GSG1L: variants seen among roughly 807,000 people sequenced by gnomAD.
GSG1L encodes the protein germ cell-specific gene 1-like protein.
Under a neutral mutation model 42.1 loss-of-function variants are expected in GSG1L, and 24 were observed. That is an observed-to-expected ratio of 0.57 (90% CI 0.41 to 0.80). The LOEUF is 0.80. GSG1L is among the 30% of genes least tolerant of loss of function. GSG1L has a pLI of 0.00. For synonymous variants in GSG1L, 215 were observed against 203.5 expected (o/e 1.06, Z -0.48); for missense variants, 445 against 472.2 (o/e 0.94, Z 0.53).
At chr16:27,845,148 CCTGT>C in intron 3 of GSG1L, 87 bp from the exon 4 acceptor site, 1 of 818,830 alleles carries the variant, frequency 1.2e-6, no homozygotes, top group Non-Finnish European at 2.0e-6. Flanking sequence ...TGCCTGCCTG[CCTGT>C]CTGCCTGTGA....
intron 3 of GSG1L, among the ~76,000 whole-genome samples, chr16:27,865,546 T>G (rs1409551520): frequency 5.2e-5 from 1 of 19,224 alleles, no homozygotes; most frequent in Non-Finnish European, 8.6e-5. Flanking sequence ...TATATATATA[T>G]ATATATATAT....
intron 2 of GSG1L, among the ~76,000 whole-genome samples, chr16:27,926,767 G>C (rs1438757647): frequency 6.6e-6 from 1 of 152,146 alleles, no homozygotes; most frequent in African/African-American, 2.4e-5. Flanking sequence ...AGTGACATAT[G>C]GGGTGAGCGC....
At chr16:28,047,897 G>T (rs2086180313) in intron 1 of GSG1L, among the ~76,000 whole-genome samples, 1 of 152,032 alleles carries the variant, frequency 6.6e-6, no homozygotes, top group Admixed American at 6.6e-5. Flanking sequence ...CCAGCTTTTG[G>T]CAGATAAAGG....
At chr16:28,004,893 G>A (rs910716141) in intron 1 of GSG1L, among the ~76,000 whole-genome samples, 3 of 152,158 alleles carry the variant, frequency 2.0e-5, no homozygotes, top group African/African-American at 7.2e-5. Flanking sequence ...AACAGCCAGA[G>A]AGCCAAAGAC....
At chr16:27,846,275 C>T (rs1056631983) in intron 3 of GSG1L, among the ~76,000 whole-genome samples, 4 of 152,182 alleles carry the variant, frequency 2.6e-5, no homozygotes, top group Non-Finnish European at 5.9e-5. Context: ...TTTATTACTG[C>T]CCAATGCTGA....
intron 1 of GSG1L, among the ~76,000 whole-genome samples, chr16:28,062,590 C>T (rs971387204): frequency 5.9e-5 from 9 of 152,190 alleles, no homozygotes; most frequent in African/African-American, 2.2e-4. Flanking sequence ...TGGAAGGCTC[C>T]CGGGTCTGTG....
chr16:27,955,263 T>TA (rs981801463), intron 2 of GSG1L, among the ~76,000 whole-genome samples: 3 of 151,490 alleles, frequency 2.0e-5, no homozygotes, highest in Non-Finnish European at 2.9e-5. Context: ...AGGAGACTAT[T>TA]AAAAAAAAGA....
In GSG1L at chr16:27,981,521, G is replaced by A. The variant is rs139317027; in HGVS notation, c.350-18318C>T. On this transcript the variant is annotated intron_variant, in intron 1 of 6. Coordinates refer to ENST00000447459, the MANE Select transcript of GSG1L (RefSeq NM_001109763.2). ...TGGCAAGCACTTCCTTGGATTCTCCGGAGGCCTCTGCCAGTTCAACTGACG... is the reference window on the plus strand; with the variant it reads ...TGGCAAGCACTTCCTTGGATTCTCCAGAGGCCTCTGCCAGTTCAACTGACG... Among the ~76,000 whole-genome samples the A allele has an allele frequency of 6.9e-3, 1,047 of 152,242 alleles. 6 individuals carry two copies. The highest frequency in any genetic ancestry group is 0.017 in the Middle Eastern group (5 of 294).
At chr16:28,008,006 C>T (rs932016957) in intron 1 of GSG1L, among the ~76,000 whole-genome samples, 10 of 152,148 alleles carry the variant, frequency 6.6e-5, no homozygotes, top group South Asian at 2.1e-4. Flanking sequence ...TTTTACGAGC[C>T]GTTGTTCTTC....
intron 2 of GSG1L, among the ~76,000 whole-genome samples, chr16:27,899,148 C>T (rs533343979): frequency 3.7e-4 from 57 of 152,346 alleles, no homozygotes; most frequent in Admixed American, 1.1e-3. Context: ...TGCTGATTCC[C>T]GTCACCTGCT....
chr16:27,946,037 A>G (rs769446112), intron 2 of GSG1L, among the ~76,000 whole-genome samples: 2 of 152,228 alleles, frequency 1.3e-5, no homozygotes, highest in African/African-American at 2.4e-5. Context: ...AAGCAGACCA[A>G]AGAAATTCCT....
At chr16:27,927,606 T>C (rs546168045) in intron 2 of GSG1L, among the ~76,000 whole-genome samples, 14 of 152,172 alleles carry the variant, frequency 9.2e-5, no homozygotes, top group African/African-American at 3.1e-4. Context: ...TACATGCCAA[T>C]CCCTGATTAG....
chr16:27,952,274 A>G (rs973951441), intron 2 of GSG1L, among the ~76,000 whole-genome samples: 2 of 152,248 alleles, frequency 1.3e-5, no homozygotes, highest in African/African-American at 4.8e-5. Context: ...GACAAGATGC[A>G]GTGCTTGTGT....
chr16:28,042,242 C>T (rs939130012), intron 1 of GSG1L, among the ~76,000 whole-genome samples: 1 of 152,020 alleles, frequency 6.6e-6, no homozygotes, highest in Non-Finnish European at 1.5e-5. Flanking sequence ...TCAAGACCAC[C>T]CTAGCCAACA....
rs1222726679 is a variant in GSG1L at position 27,876,082 on chromosome 16, TTAA to T, written c.550+8401_550+8403del. ...TTGTCACTTACAAATAAAAGGATCT[TTAA>T]TAATATGTAAATATTCATCTTTCTG... On this transcript the variant is annotated intron_variant, in intron 3 of 6. Transcript: ENST00000447459. Among the ~76,000 whole-genome samples the T allele has an allele frequency of 4.6e-5, 7 of 152,304 alleles. No homozygotes were observed. The East Asian group carries it at 1.3e-3, about 29-fold the overall frequency.
chr16:27,832,520 A>G (rs755349756), intron 4 of GSG1L, among the ~76,000 whole-genome samples: 1 of 152,254 alleles, frequency 6.6e-6, no homozygotes, highest in Non-Finnish European at 1.5e-5. Context: ...TATCTGGAGC[A>G]TCATCCAAGT....
At chr16:28,031,230 T>TGGGAG (rs1567562365) in intron 1 of GSG1L, among the ~76,000 whole-genome samples, 1 of 79,716 alleles carries the variant, frequency 1.3e-5, no homozygotes, top group Non-Finnish European at 2.4e-5. Flanking sequence ...TAGGATGGGA[T>TGGGAG]GGGATGGGAT....
chr16:28,030,610 T>G (rs182245), intron 1 of GSG1L, among the ~76,000 whole-genome samples: 1 of 151,982 alleles, frequency 6.6e-6, no homozygotes, highest in East Asian at 1.9e-4. Context: ...CAGTAAAAAT[T>G]TGTCTTTTTG....
chr16:28,057,079 T>C (rs1025875125), intron 1 of GSG1L, among the ~76,000 whole-genome samples: 4 of 151,552 alleles, frequency 2.6e-5, no homozygotes, highest in African/African-American at 9.7e-5. Flanking sequence ...AGAGTGACTG[T>C]GGGGGCAGAG....
Sources: gnomAD v4.1 joint callset for allele counts (sites outside exome capture counted in the v4.1 genomes callset) on GRCh38, gnomAD v4.1.1 for gene constraint, MANE v1.5 for transcripts, NCBI Gene and HGNC (gene_info 2026-07-23, HGNC 2026-07-21) for gene names.